Variants in SNAPC4 observed in about 807,000 individuals in gnomAD.
The protein encoded by SNAPC4 is small nuclear RNA activating complex polypeptide 4.
SNAPC4 carries 127 observed loss-of-function variants against 151.3 expected under a neutral mutation model. The ratio of observed to expected loss-of-function variants is 0.84; its 90% CI spans 0.73 to 0.97. The LOEUF is 0.97. SNAPC4 is among the 50% of genes least tolerant of loss of function. The probability of loss-of-function intolerance (pLI) is 0.00; values close to 1 mark genes in which losing one functional copy is unlikely to be tolerated. For missense variants in SNAPC4, 2,186 were observed against 1,935.0 expected, an observed-to-expected ratio of 1.13 and a Z score of -2.43; for synonymous variants, 1,002 against 824.4, an observed-to-expected ratio of 1.22 and a Z score of -3.69.
At chr9:136,391,036 G>C (rs1834056150) in intron 10 of SNAPC4, among the ~76,000 whole-genome samples, 1 of 152,096 alleles carries the variant, frequency 6.6e-6, no homozygotes, top group Non-Finnish European at 1.5e-5. Context: ...GTTTCTCCAT[G>C]TTGGCCAGGC....
Position 136,383,523 on chromosome 9 carries a change from T to C in SNAPC4, c.1646A>G (p.Gln549Arg). 6.3e-7 allele frequency: 1 copy of C among 1,593,234 alleles called. No homozygotes were observed. The stretch of plus-strand genomic sequence containing the variant: ...TCTGTCACCCTCCCCGGCCTGCGCC[T>C]GCTCTGGCTCGTCCTCCTCGCTGCT... Reference protein sequence around the residue: ...SSSSEEDEPEQAQAGEGDRAL... With the variant: ...SSSSEEDEPERAQAGEGDRAL... The change falls in exon 16 of 24, where the codon CAG (glutamine) becomes CGG (arginine). Residue 549 changes from glutamine (Q) to arginine (R), a missense_variant. Physicochemically the swap from Gln to Arg is conservative, Grantham distance 43. Coordinates refer to ENST00000684778, the MANE Select transcript of SNAPC4 (RefSeq NM_003086.4). This position sits in a 1 kb window ranked among gnomAD's most constrained non-coding sequence, Gnocchi z 4.2.
chr9:136,392,094 GGCT>G lies in SNAPC4; in HGVS notation c.820_822del (p.Ser274del), dbSNP rs1834095774. ...AACTTCCGGATCTCCTCTGCACTGC[GGCT>G]GCCTTCAAACTGCACCGACAGAGAC... On this transcript the variant is annotated inframe_deletion, in exon 10 of 24. Transcript: ENST00000684778. 1 of 1,612,036 alleles carries G rather than the reference GGCT, an allele frequency of 6.2e-7. No individual in the cohort carries two copies. The highest frequency in any genetic ancestry group is 1.1e-5 in the South Asian group (1 of 91,076).
chr9:136,381,720 T>C (rs1271738201), intron 18 of SNAPC4, 104 bp downstream of exon 18: 2 of 1,436,812 alleles, frequency 1.4e-6, no homozygotes, highest in African/African-American at 1.4e-5. Context: ...AAGACTCCCC[T>C]GCTGAGGCCA....
In SNAPC4 at chr9:136,379,126, G is replaced by A. The variant is rs534626982; in HGVS notation, c.2701C>T (p.Arg901Trp). Residue 901 changes from arginine (R) to tryptophan (W), a missense_variant, in exon 22 of 24, where the codon CGG (arginine) becomes TGG (tryptophan). Physicochemically the swap from Arg to Trp is moderately radical, Grantham distance 101 (BLOSUM62 -3). Transcript: ENST00000684778. ...TCCCTGGCACGGGCCTCCTGAAGCC[G>A]CTTCTCCTGAAGCAGCTCCGACACA... ...KTVSELLQEKRLQEARAREAT... is the reference protein window; with the variant it reads ...KTVSELLQEKWLQEARAREAT... 444 of 1,565,866 alleles carry A rather than the reference G, an allele frequency of 2.8e-4. 2 individuals are homozygous for A. The highest frequency in any genetic ancestry group is 1.7e-4 in the Middle Eastern group (1 of 5,942).
At chr9:136,387,396 G>A (rs1004096583) in intron 13 of SNAPC4, 89 bp downstream of exon 13, 136 of 944,674 alleles carry the variant, frequency 1.4e-4, no homozygotes, top group Non-Finnish European at 2.1e-4. Context: ...GCTGGCCGCT[G>A]TCCCCCAGCC....
rs775231068 is a variant in SNAPC4 at position 136,378,122 on chromosome 9, C to G, written c.3705G>C (p.Leu1235=). Residue 1235 remains leucine (L), a synonymous_variant, in exon 22 of 24, where the codon CTG becomes CTC. Transcript: ENST00000684778. ...PSGTQEPRGP[L]GLEKLPLRQP... ...GGCGCAGGGGCAGCTTCTCCAGGCC[C>G]AGAGGCCCCCTGGGCTCCTGTGTCC... 3 of 1,602,210 alleles carry G rather than the reference C, an allele frequency of 1.9e-6. No individual in the cohort carries two copies. The African/African-American group carries it at 4.0e-5, about 21-fold the overall frequency.
intron 13 of SNAPC4, among the ~76,000 whole-genome samples, chr9:136,385,810 T>C (rs866531411): frequency 6.6e-6 from 1 of 152,178 alleles, no homozygotes; most frequent in African/African-American, 2.4e-5. Flanking sequence ...CGCCTTGGCC[T>C]CCCAAAGTGC....
intron 21 of SNAPC4, among the ~76,000 whole-genome samples, chr9:136,379,634 G>C (rs911226244): frequency 9.2e-5 from 14 of 152,338 alleles, no homozygotes; most frequent in African/African-American, 3.4e-4. Flanking sequence ...GGAAGCCTTA[G>C]GGCTGCAAGG....
chr9:136,396,873 G>C, intron 3 of SNAPC4, 104 bp downstream of exon 3: 1 of 832,308 alleles, frequency 1.2e-6, no homozygotes, highest in South Asian at 1.4e-5. Context: ...TTTTTATAAT[G>C]CAGAAAAACC....
chr9:136,392,233 C>T (rs1834102996), intron 9 of SNAPC4, 127 bp from the exon 10 acceptor site: 27 of 1,214,026 alleles, frequency 2.2e-5, no homozygotes, highest in East Asian at 1.9e-4. Flanking sequence ...GCGCAATCTT[C>T]GTCCAACTCA....
rs761277030 is a variant in SNAPC4, at chr9:136,377,827, C to G, written c.4000G>C (p.Gly1334Arg). 3.6e-5 allele frequency: 58 copies of G among 1,611,430 alleles called. No individual in the cohort carries two copies. In the Admixed American group the frequency reaches 4.2e-4, roughly 12 times the overall value. The change falls in exon 22 of 24, where the codon GGG (glycine) becomes CGG (arginine). Residue 1334 changes from glycine to arginine, a missense_variant. Transcript: ENST00000684778. ...LEHKATSLVV[G>R]GEAERPAGAL... ...CCGGCCGGCCGCTCAGCCTCGCCCCCCACCACCAGGGAGGTGGCCTTGTGC... is the reference window on the plus strand; with the variant it reads ...CCGGCCGGCCGCTCAGCCTCGCCCCGCACCACCAGGGAGGTGGCCTTGTGC...
rs766785983 is a variant in SNAPC4 at position 136,380,750 on chromosome 9, T to C, written c.2489A>G (p.His830Arg). The C allele has an allele frequency of 6.3e-7, 1 of 1,588,830 alleles. No individual in the cohort carries two copies. Among genetic ancestry groups the C allele is most frequent in the East Asian group, 2.2e-5 (1 of 44,758 alleles). Reference sequence around the variant, plus strand: ...CCAAGTGCCTGCTACCTGCAGAAGATGAACTGGTGGGTCCCGAGCACCAGC... The same window carrying C: ...CCAAGTGCCTGCTACCTGCAGAAGACGAACTGGTGGGTCCCGAGCACCAGC... ...PQAGARDPPV[H>R]LLQASSSAQS... The change falls in exon 20 of 24, where the codon CAT becomes CGT. Residue 830 changes from histidine to arginine, a missense_variant. Transcript: ENST00000684778.
Position 136,379,823 on chromosome 9 carries a change from A to G in SNAPC4, c.2527+14T>C. ...TTAGGTCTCTTCCCCACCAGGGCAG[A>G]GAAGCAGAGTTACCTGGGGTGCTCT... On this transcript the variant is annotated intron_variant, in intron 21 of 23. Coordinates refer to ENST00000684778, the MANE Select transcript of SNAPC4 (RefSeq NM_003086.4). 1 of 1,612,854 alleles carries G rather than the reference A, an allele frequency of 6.2e-7. No individual in the cohort carries two copies. The highest frequency in any genetic ancestry group is 8.5e-7 in the Non-Finnish European group (1 of 1,179,350).
chr9:136,383,903 T>G lies in SNAPC4; in HGVS notation c.1500+50A>C, dbSNP rs775081460. 4 of 1,358,952 alleles carry G rather than the reference T, an allele frequency of 2.9e-6. No individual in the cohort carries two copies. The Admixed American group carries it at 5.1e-5, about 17-fold the overall frequency. 84.2% of individuals were successfully genotyped at this position (1,358,952 alleles called of 1,614,324 possible). A position where few individuals can be genotyped will look rare whatever the true frequency, so the allele number is the denominator to read the frequency against. On this transcript the variant is annotated intron_variant, in intron 15 of 23. Coordinates refer to ENST00000684778, the MANE Select transcript of SNAPC4 (RefSeq NM_003086.4). The surrounding 1 kb of genome is among the most constrained non-coding windows in gnomAD (Gnocchi z 4.2). ...TCCTCCTGCCTGCTGGACCCCCCAG[T>G]TGACCAGGCCATTGTCTGGTTTCAG...
Position 136,381,384 on chromosome 9 carries a change from G to A in SNAPC4, c.2326C>T (p.Leu776Phe). The A allele has an allele frequency of 5.6e-6, 9 of 1,612,558 alleles. No homozygotes were observed. The highest frequency in any genetic ancestry group is 5.1e-6 in the Non-Finnish European group (6 of 1,179,692). ...CGGGCCTGCTGCAGCTGCTCCCTGA[G>A]GCCATCCGCTGCGGGCACAGGGGGA... The part of the protein sequence containing the change: ...PAVVQTQADG[L>F]REQLQQARLA... Residue 776 changes from leucine to phenylalanine, a missense_variant, in exon 19 of 24, where the codon CTC becomes TTC. Leu to Phe is a conservative substitution (Grantham distance 22, BLOSUM62 0). Coordinates refer to ENST00000684778, the MANE Select transcript of SNAPC4 (RefSeq NM_003086.4).
chr9:136,384,074 T>C (rs1226237123), intron 14 of SNAPC4, 42 bp from the exon 15 acceptor site: 4 of 1,558,402 alleles, frequency 2.6e-6, no homozygotes, highest in Non-Finnish European at 3.5e-6. Context: ...CATCCAAAGA[T>C]TCTTCCCCAG....
intron 7 of SNAPC4, among the ~76,000 whole-genome samples, chr9:136,393,823 G>A (rs1227144428): frequency 6.6e-6 from 1 of 152,222 alleles, no homozygotes; most frequent in East Asian, 1.9e-4. Context: ...TCCATGGCCT[G>A]GCAAGACCCG....
chr9:136,399,496 C>T (rs1463240598), intron 1 of SNAPC4, among the ~76,000 whole-genome samples: 2 of 152,224 alleles, frequency 1.3e-5, no homozygotes, highest in Admixed American at 6.5e-5. Flanking sequence ...TGCTGCCTCC[C>T]CCTCCCCGTG....
At chr9:136,380,673 T>C in intron 20 of SNAPC4, 67 bp downstream of exon 20, 1 of 913,224 alleles carries the variant, frequency 1.1e-6, no homozygotes, top group Non-Finnish European at 1.8e-6. Context: ...CCAGCCTCCG[T>C]GGAAACCCAC....
Sources: gnomAD v4.1 joint callset for allele counts (sites outside exome capture counted in the v4.1 genomes callset) on GRCh38, gnomAD v4.1.1 for gene constraint, Gnocchi (gnomAD v3.1) non-coding constraint, MANE v1.5 for transcripts, NCBI Gene and HGNC (gene_info 2026-07-23, HGNC 2026-07-21) for gene names.